CBFA2T3: variants seen among roughly 807,000 people sequenced by gnomAD.
The protein encoded by CBFA2T3 is CBFA2/RUNX1 partner transcriptional co-repressor 3.
Under a neutral mutation model 58.6 loss-of-function variants are expected in CBFA2T3, and 31 were observed. The observed-to-expected ratio is 0.53, with a 90% CI of 0.40 to 0.71. The LOEUF (loss-of-function observed/expected upper bound fraction) is 0.71, where lower values mean the gene tolerates loss of function less well. CBFA2T3 is among the 30% of genes least tolerant of loss of function. The pLI, the probability that CBFA2T3 is intolerant of heterozygous loss-of-function variation, is 0.00. For synonymous variants in CBFA2T3, 531 were observed against 421.9 expected (o/e 1.26, Z -3.17); for missense variants, 1,076 against 963.1 (o/e 1.12, Z -1.55).
intron 3 of CBFA2T3, among the ~76,000 whole-genome samples, chr16:88,892,789 C>A (rs1969698844): frequency 6.6e-6 from 1 of 152,172 alleles, no homozygotes; most frequent in African/African-American, 2.4e-5. Flanking sequence ...GCCCCAGGTC[C>A]CCAATGGGTA....
intron 1 of CBFA2T3, among the ~76,000 whole-genome samples, chr16:88,975,063 C>T (rs1597806218): frequency 1.5e-5 from 2 of 132,810 alleles, no homozygotes; most frequent in East Asian, 2.2e-4. Flanking sequence ...AGCCCCTAAG[C>T]AGGGGCTCCC....
intron 11 of CBFA2T3, 138 bp downstream of exon 11, chr16:88,879,132 G>T (rs1259605227): frequency 2.8e-6 from 2 of 715,028 alleles, no homozygotes; most frequent in Admixed American, 2.4e-5. Context: ...GTGTGGGCGG[G>T]GATGGCGTGC....
intron 4 of CBFA2T3, 45 bp downstream of exon 4, chr16:88,892,199 G>C (rs772259761): frequency 1.8e-5 from 29 of 1,578,804 alleles, no homozygotes; most frequent in Non-Finnish European, 2.4e-5. Flanking sequence ...TTAAACGGAG[G>C]GAATATGCAT....
At chr16:88,946,004 G>A (rs1307701226) in intron 1 of CBFA2T3, among the ~76,000 whole-genome samples, 3 of 152,194 alleles carry the variant, frequency 2.0e-5, no homozygotes, top group Non-Finnish European at 4.4e-5. Context: ...GAGCTATCAA[G>A]CCATGGAAAG....
At chr16:88,929,861 T>C (rs1412235232) in intron 1 of CBFA2T3, among the ~76,000 whole-genome samples, 1 of 149,606 alleles carries the variant, frequency 6.7e-6, no homozygotes, top group East Asian at 2.0e-4. Context: ...AAGCTACCCA[T>C]GCCCACAGCT....
intron 1 of CBFA2T3, among the ~76,000 whole-genome samples, chr16:88,932,294 C>T (rs979236126): frequency 6.6e-6 from 1 of 151,118 alleles, no homozygotes; most frequent in Non-Finnish European, 1.5e-5. Flanking sequence ...GCAGAGCACA[C>T]ACTTCCAGGA....
At chr16:88,899,665 G>A (rs1054542555) in intron 2 of CBFA2T3, among the ~76,000 whole-genome samples, 8 of 152,220 alleles carry the variant, frequency 5.3e-5, no homozygotes, top group Non-Finnish European at 1.2e-4. Flanking sequence ...AGCAGAGGCT[G>A]CTGGTCCCCA....
chr16:88,901,511 T>A lies in CBFA2T3; in HGVS notation c.297A>T (p.Pro99=). ...CAGGTGGGGGCTACTTACGTGTGTGTGGCGTGAAGGAGGGGGGGCGTGTGG... is the reference window on the plus strand; with the variant it reads ...CAGGTGGGGGCTACTTACGTGTGTGAGGCGTGAAGGAGGGGGGGCGTGTGG... ...QGATRPPSFT[P]HTHREDGPAT... is the part of the protein sequence containing the mutation. The change falls in exon 2 of 12, where the codon CCA becomes CCT. Residue 99 remains proline (P), a synonymous_variant. Transcript: ENST00000268679. 1.4e-6 allele frequency: 2 copies of A among 1,471,900 alleles called. No homozygotes were observed. Among genetic ancestry groups the A allele is most frequent in the East Asian group, 5.5e-5 (2 of 36,540 alleles). 91.2% of individuals were successfully genotyped at this position (1,471,900 alleles called of 1,614,324 possible). A position where few individuals can be genotyped will look rare whatever the true frequency, so the allele number is the denominator to read the frequency against.
rs202218657 is a variant in CBFA2T3 at position 88,950,537 on chromosome 16, C to T, written c.151+26120G>A. 1.2e-3 allele frequency: 501 copies of T among 432,020 alleles called. 20 individuals are homozygous for T. The Middle Eastern group carries it at 0.012, about 10-fold the overall frequency. The allele number at this position is 432,020 out of a possible 1,614,324, so 26.8% of individuals were successfully genotyped here. ...CACCTGTCTTCCGGGTCAGTTCACC[C>T]GTCCCCTGGACCGGCACCGCCACAG... On this transcript the variant is annotated intron_variant, in intron 1 of 11. Coordinates refer to ENST00000268679, the MANE Select transcript of CBFA2T3 (RefSeq NM_005187.6).
chr16:88,926,430 T>G (rs987798925), intron 1 of CBFA2T3, among the ~76,000 whole-genome samples: 31 of 152,186 alleles, frequency 2.0e-4, no homozygotes, highest in African/African-American at 7.0e-4. Context: ...AATGTCGGTG[T>G]CTGCTCAGCC....
chr16:88,892,362 G>C lies in CBFA2T3; in HGVS notation c.503C>G (p.Ala168Gly). 1 of 1,613,432 alleles carries C rather than the reference G, an allele frequency of 6.2e-7. No individual in the cohort carries two copies. Among genetic ancestry groups the C allele is most frequent in the Non-Finnish European group, 8.5e-7 (1 of 1,179,992 alleles). Reference sequence around the variant, plus strand: ...CTTGCTGAGCTGCCGGGCCCCGCAGGCTGGGGGCAGGTGCTGTGTGGACAA... The same window carrying C: ...CTTGCTGAGCTGCCGGGCCCCGCAGCCTGGGGGCAGGTGCTGTGTGGACAA... ...ASLSTQHLPPACGARQLSKLK... is the reference protein window; with the variant it reads ...ASLSTQHLPPGCGARQLSKLK... Residue 168 changes from alanine (A) to glycine (G), a missense_variant, in exon 4 of 12, where the codon GCC becomes GGC. Transcript: ENST00000268679.
intron 1 of CBFA2T3, among the ~76,000 whole-genome samples, chr16:88,951,917 G>C (rs1157597303): frequency 6.6e-6 from 1 of 152,202 alleles, no homozygotes; most frequent in Non-Finnish European, 1.5e-5. Flanking sequence ...CTATAGTTTG[G>C]TGCTTGAGCC....
At chr16:88,887,971 G>T (rs1221227541) in intron 5 of CBFA2T3, among the ~76,000 whole-genome samples, 2 of 152,162 alleles carry the variant, frequency 1.3e-5, no homozygotes, top group African/African-American at 2.4e-5. Context: ...CTCCCTGACC[G>T]TGGGCTCTGC....
At chr16:88,897,630 G>C (rs1005766057) in intron 3 of CBFA2T3, among the ~76,000 whole-genome samples, 1 of 152,236 alleles carries the variant, frequency 6.6e-6, no homozygotes, top group Non-Finnish European at 1.5e-5. Flanking sequence ...TTACAGGTGG[G>C]GAAACTGAGG....
intron 5 of CBFA2T3, among the ~76,000 whole-genome samples, chr16:88,888,246 G>A (rs1414392274): frequency 1.3e-5 from 2 of 151,150 alleles, no homozygotes; most frequent in Admixed American, 1.3e-4. Context: ...CTAGGATGAT[G>A]TCTTCAAGGA....
chr16:88,913,834 A>T (rs1053258966), intron 1 of CBFA2T3, among the ~76,000 whole-genome samples: 1 of 152,242 alleles, frequency 6.6e-6, no homozygotes, highest in East Asian at 1.9e-4. Context: ...AAGGAACCTG[A>T]AAATCACACC....
At chr16:88,966,913 C>T (rs542132127) in intron 1 of CBFA2T3, among the ~76,000 whole-genome samples, 1 of 152,200 alleles carries the variant, frequency 6.6e-6, no homozygotes, top group Non-Finnish European at 1.5e-5. Context: ...ACTCTGGAAG[C>T]CCAGGATGAG....
At chr16:88,908,089 C>T (rs758805374) in intron 1 of CBFA2T3, among the ~76,000 whole-genome samples, 3 of 152,230 alleles carry the variant, frequency 2.0e-5, no homozygotes, top group African/African-American at 7.2e-5. Flanking sequence ...CACCTGTCAT[C>T]CCAGCACTTT....
intron 1 of CBFA2T3, among the ~76,000 whole-genome samples, chr16:88,946,762 C>G (rs145441486): frequency 6.6e-6 from 1 of 151,810 alleles, no homozygotes; most frequent in Non-Finnish European, 1.5e-5. Context: ...ATTACAGACA[C>G]GAGCCACTGC....
Sources: allele counts gnomAD v4.1 joint callset (sites outside exome capture counted in the v4.1 genomes callset), GRCh38; gene constraint gnomAD v4.1.1; transcripts MANE v1.5; gene names NCBI Gene and HGNC (gene_info 2026-07-23, HGNC 2026-07-21).